RNGTT: variants seen among roughly 807,000 people sequenced by gnomAD.
RNGTT encodes mRNA-capping enzyme.
RNGTT carries 33 observed loss-of-function variants against 79.3 expected under a neutral mutation model. The ratio of observed to expected loss-of-function variants is 0.42; its 90% CI spans 0.32 to 0.56. The LOEUF (loss-of-function observed/expected upper bound fraction) is 0.56. Ranked by LOEUF, RNGTT falls within the 20% of genes least tolerant of loss-of-function variation. The pLI, the probability that RNGTT is intolerant of heterozygous loss-of-function variation, is 0.17. For missense variants in RNGTT, 497 were observed against 739.1 expected (o/e 0.67, Z 3.80); for synonymous variants, 222 against 235.9 (o/e 0.94, Z 0.54).
rs1291089925 is a variant in RNGTT, at chr6:88,612,632, T to G, written c.*87A>C. ...GTGTATCAACATCAAGCCACAGTCG[T>G]TTTTCAATTTCTCTGGCTACAAAAA... is the stretch of plus-strand genomic sequence containing the variant. On this transcript the variant is annotated 3_prime_UTR_variant, in exon 16 of 16. Transcript: ENST00000369485. 6.4e-6 allele frequency: 9 copies of G among 1,406,880 alleles called. No individual in the cohort carries two copies. The highest frequency in any genetic ancestry group is 8.7e-6 in the Non-Finnish European group (9 of 1,028,926). The allele number at this position is 1,406,880 out of a possible 1,614,324, so 87.1% of individuals were successfully genotyped here.
chr6:88,751,619 A>G (rs1777842295), intron 13 of RNGTT, among the ~76,000 whole-genome samples: 1 of 152,116 alleles, frequency 6.6e-6, no homozygotes, highest in African/African-American at 2.4e-5. Context: ...TGAGCTGTAA[A>G]TACTGAAACC....
chr6:88,758,623 C>T (rs1358851884), intron 13 of RNGTT, among the ~76,000 whole-genome samples: 1 of 152,132 alleles, frequency 6.6e-6, no homozygotes, highest in Middle Eastern at 3.2e-3. Context: ...GAGCTAGATA[C>T]CCATAGTCAG....
rs566360893 is a variant in RNGTT, at chr6:88,932,644, C to T, written c.175-3377G>A. 5.9e-4 allele frequency among the ~76,000 whole-genome samples: 90 copies of T among 152,238 alleles called. 1 individual carries two copies. The highest frequency in any genetic ancestry group is 4.8e-4 in the African/African-American group (20 of 41,540). On this transcript the variant is annotated intron_variant, in intron 2 of 15. Transcript: ENST00000369485. ...TTTAGGGAAAATAGAAAAGAACCTACGTTGAAATATTGGGGGCTGGTTCCC... is the reference window on the plus strand; with the variant it reads ...TTTAGGGAAAATAGAAAAGAACCTATGTTGAAATATTGGGGGCTGGTTCCC...
intron 4 of RNGTT, among the ~76,000 whole-genome samples, chr6:88,927,833 C>CAAA (rs112249320): frequency 1.3e-5 from 1 of 76,706 alleles, no homozygotes; most frequent in South Asian, 4.0e-4. Context: ...GATTCCATCT[C>CAAA]AAAAAAAAAA....
intron 11 of RNGTT, among the ~76,000 whole-genome samples, chr6:88,806,862 A>G (rs1779972695): frequency 1.3e-5 from 2 of 152,224 alleles, no homozygotes; most frequent in Admixed American, 1.3e-4. Context: ...TCAATGATAG[A>G]CTGAATAAAG....
chr6:88,853,233 C>T (rs1036665826), intron 9 of RNGTT, among the ~76,000 whole-genome samples: 5 of 152,298 alleles, frequency 3.3e-5, no homozygotes, highest in South Asian at 2.1e-4. Flanking sequence ...TTTGGCTGGG[C>T]GCAGTGGCTC....
intron 12 of RNGTT, among the ~76,000 whole-genome samples, chr6:88,771,765 T>A (rs1393214795): frequency 6.6e-6 from 1 of 152,214 alleles, no homozygotes. Flanking sequence ...ATGGCTTTTG[T>A]TAAATGTATT....
intron 7 of RNGTT, among the ~76,000 whole-genome samples, chr6:88,891,026 C>A (rs1783033031): frequency 6.6e-6 from 1 of 152,010 alleles, no homozygotes; most frequent in East Asian, 1.9e-4. Context: ...TCAAAAGATA[C>A]CCAGAAGTGA....
intron 8 of RNGTT, among the ~76,000 whole-genome samples, chr6:88,859,855 C>T (rs1781954190): frequency 6.6e-6 from 1 of 152,196 alleles, no homozygotes. Flanking sequence ...TAAAACTTAA[C>T]ACGAAGTAAG....
chr6:88,697,897 T>C (rs61369633), intron 13 of RNGTT, among the ~76,000 whole-genome samples: 31 of 83,872 alleles, frequency 3.7e-4, no homozygotes, highest in African/African-American at 2.4e-3. Flanking sequence ...ATGATATATA[T>C]ATATGATATA....
intron 14 of RNGTT, among the ~76,000 whole-genome samples, chr6:88,618,141 T>C (rs966639635): frequency 3.3e-5 from 5 of 152,182 alleles, no homozygotes; most frequent in Non-Finnish European, 5.9e-5. Context: ...TATCTGTGTA[T>C]CTCCTTGGCC....
At chr6:88,716,802 C>A (rs1776531920) in intron 13 of RNGTT, among the ~76,000 whole-genome samples, 1 of 152,110 alleles carries the variant, frequency 6.6e-6, no homozygotes, top group Non-Finnish European at 1.5e-5. Context: ...GAACATCACA[C>A]ACCGAGGCCT....
chr6:88,854,560 A>G (rs1270502594), intron 8 of RNGTT, among the ~76,000 whole-genome samples: 2 of 152,212 alleles, frequency 1.3e-5, no homozygotes, highest in Non-Finnish European at 2.9e-5. Context: ...TGCTCTTTCT[A>G]CCATACCTGT....
intron 4 of RNGTT, among the ~76,000 whole-genome samples, chr6:88,914,832 C>G (rs140108490): frequency 0.022 from 3,334 of 152,190 alleles, 124 homozygotes; most frequent in African/African-American, 0.076. Flanking sequence ...ACAGAGTAAA[C>G]AGACAACCTA....
intron 13 of RNGTT, among the ~76,000 whole-genome samples, chr6:88,755,021 T>C (rs1777962920): frequency 6.6e-6 from 1 of 152,186 alleles, no homozygotes; most frequent in African/African-American, 2.4e-5. Context: ...GTGTCTTTAA[T>C]TTCTCTAGCG....
At chr6:88,895,262 T>TGTGTGG (rs1783199001) in intron 6 of RNGTT, among the ~76,000 whole-genome samples, 1 of 149,416 alleles carries the variant, frequency 6.7e-6, no homozygotes, top group Non-Finnish European at 1.5e-5. Context: ...TGTGTGTGTG[T>TGTGTGG]GTGTGTGTAA....
At chr6:88,900,608 C>T (rs117097353) in intron 6 of RNGTT, among the ~76,000 whole-genome samples, 3,828 of 151,496 alleles carry the variant, frequency 0.025, 68 homozygotes, top group Non-Finnish European at 0.035. Context: ...GTGGCAGGTG[C>T]CAATAGTCCC....
At chr6:88,655,633 T>A (rs879488018) in intron 14 of RNGTT, among the ~76,000 whole-genome samples, 12 of 152,236 alleles carry the variant, frequency 7.9e-5, no homozygotes, top group Non-Finnish European at 1.5e-4. Flanking sequence ...ATAATGGTTA[T>A]AGTCCTTACT....
At chr6:88,853,014 T>C (rs1781721602) in intron 9 of RNGTT, among the ~76,000 whole-genome samples, 1 of 152,234 alleles carries the variant, frequency 6.6e-6, no homozygotes, top group African/African-American at 2.4e-5. Flanking sequence ...TGCAAAATTA[T>C]ATAACTATCC....
Sources: gnomAD v4.1 joint callset for allele counts (sites outside exome capture counted in the v4.1 genomes callset) on GRCh38, gnomAD v4.1.1 for gene constraint, MANE v1.5 for transcripts, NCBI Gene and HGNC (gene_info 2026-07-23, HGNC 2026-07-21) for gene names.